Variants in MAGI2 observed in about 807,000 individuals in gnomAD.
MAGI2 encodes the protein membrane-associated guanylate kinase, WW and PDZ domain-containing protein 2.
A neutral mutation model predicts 133.3 loss-of-function variants in MAGI2; 35 were observed. That is an observed-to-expected ratio of 0.26 (90% CI 0.20 to 0.35). MAGI2 has a LOEUF of 0.35. Among genes scored for constraint, MAGI2 ranks in the 10% least tolerant of loss-of-function variants. MAGI2 has a pLI of 1.00. For missense variants in MAGI2, 1,636 were observed against 1,863.4 expected, an observed-to-expected ratio of 0.88 and a Z score of 2.25; for synonymous variants, 729 against 710.6, an observed-to-expected ratio of 1.03 and a Z score of -0.41.
intron 1 of MAGI2, among the ~76,000 whole-genome samples, chr7:79,024,582 G>T (rs1271651969): frequency 1.3e-5 from 2 of 151,868 alleles, no homozygotes; most frequent in Non-Finnish European, 2.9e-5. Flanking sequence ...CTAAAGAATG[G>T]GAGAAAATAT....
chr7:79,429,354 G>A (rs1847618570), intron 1 of MAGI2, among the ~76,000 whole-genome samples: 1 of 151,872 alleles, frequency 6.6e-6, no homozygotes, highest in Admixed American at 6.6e-5. Context: ...CCAGGCTGGA[G>A]TGCAGTGGCC....
rs545809101 is a variant in MAGI2, at chr7:78,430,240, C to CTTTTTTTT, written c.1045+59513_1045+59520dup. ...GTATTACTGTCTGTTCTGGAAAAGC[C>CTTTTTTTT]TTTTTTTTTTTTTTTTTTTTTTTTT... On this transcript the variant is annotated intron_variant, in intron 6 of 21. Coordinates refer to ENST00000354212, the MANE Select transcript of MAGI2 (RefSeq NM_012301.4). 5.9e-4 allele frequency among the ~76,000 whole-genome samples: 45 copies of CTTTTTTTT among 76,640 alleles called. 2 individuals carry two copies. Among genetic ancestry groups the CTTTTTTTT allele is most frequent in the African/African-American group, 1.7e-3 (30 of 18,010 alleles). 50.3% of individuals were successfully genotyped at this position (76,640 alleles called of 152,430 possible).
At chr7:78,063,761 T>G (rs1006093120) in intron 21 of MAGI2, among the ~76,000 whole-genome samples, 7 of 152,222 alleles carry the variant, frequency 4.6e-5, no homozygotes, top group African/African-American at 1.7e-4. Context: ...GCTAAGCAGA[T>G]TAGTTTACTG....
intron 1 of MAGI2, among the ~76,000 whole-genome samples, chr7:79,236,330 G>A (rs887025780): frequency 4.6e-5 from 7 of 152,308 alleles, no homozygotes; most frequent in African/African-American, 1.7e-4. Flanking sequence ...AAGGGAGTAA[G>A]GACAGACCAG....
chr7:78,157,524 T>TACACAC (rs3840595), intron 16 of MAGI2, among the ~76,000 whole-genome samples: 1 of 151,196 alleles, frequency 6.6e-6, no homozygotes, highest in Non-Finnish European at 1.5e-5. Context: ...TACACATACA[T>TACACAC]ACACACACAC....
chr7:79,341,278 C>T (rs766726622), intron 1 of MAGI2, among the ~76,000 whole-genome samples: 1 of 152,072 alleles, frequency 6.6e-6, no homozygotes, highest in Non-Finnish European at 1.5e-5. Flanking sequence ...AGCATAAGAT[C>T]ATGAACAAAT....
In MAGI2 at chr7:78,160,007, G is replaced by A; in HGVS notation, c.2845+18C>T. On this transcript the variant is annotated intron_variant, in intron 16 of 21. Coordinates refer to ENST00000354212, the MANE Select transcript of MAGI2 (RefSeq NM_012301.4). Reference sequence around the variant, plus strand: ...AACAAGACCCCTTATTCAAATGCAGGCAAATTTCAGCACTTACTTATAGTG... The same window carrying A: ...AACAAGACCCCTTATTCAAATGCAGACAAATTTCAGCACTTACTTATAGTG... The A allele has an allele frequency of 6.5e-7, 1 of 1,529,192 alleles. No homozygotes were observed. Among genetic ancestry groups the A allele is most frequent in the Non-Finnish European group, 8.8e-7 (1 of 1,136,232 alleles). The allele number at this position is 1,529,192 out of a possible 1,614,324, so 94.7% of individuals were successfully genotyped here. A position where few individuals can be genotyped will look rare whatever the true frequency, so the allele number is the denominator to read the frequency against.
chr7:78,322,442 A>ATG (rs1788099652), intron 9 of MAGI2, among the ~76,000 whole-genome samples: 1 of 152,130 alleles, frequency 6.6e-6, no homozygotes, highest in Admixed American at 6.6e-5. Context: ...AAAAAAGGAT[A>ATG]TGTTTCTGTC....
intron 1 of MAGI2, among the ~76,000 whole-genome samples, chr7:79,158,657 T>C (rs1273964852): frequency 6.6e-6 from 1 of 152,100 alleles, no homozygotes; most frequent in Non-Finnish European, 1.5e-5. Flanking sequence ...GAGCTATTGG[T>C]ATAAATACCC....
chr7:79,206,016 A>G (rs1319509996), intron 1 of MAGI2, among the ~76,000 whole-genome samples: 1 of 151,732 alleles, frequency 6.6e-6, no homozygotes, highest in Non-Finnish European at 1.5e-5. Flanking sequence ...AAAGGGAAAT[A>G]AAAAAGAGAT....
intron 2 of MAGI2, among the ~76,000 whole-genome samples, chr7:78,774,572 T>C (rs1358042577): frequency 6.6e-6 from 1 of 152,170 alleles, no homozygotes; most frequent in Non-Finnish European, 1.5e-5. Flanking sequence ...TCAGTTCTCA[T>C]GTCAGCAGGC....
At chr7:78,573,534 G>C (rs988150166) in intron 3 of MAGI2, among the ~76,000 whole-genome samples, 12 of 145,180 alleles carry the variant, frequency 8.3e-5, no homozygotes, top group African/African-American at 2.8e-4. Flanking sequence ...CAGCCTTTCG[G>C]GTCGCTTGAT....
At position 79,335,539 on chromosome 7, in the gene MAGI2, A is replaced by G. The variant is rs557654432; in HGVS notation, c.301+117481T>C. On this transcript the variant is annotated intron_variant, in intron 1 of 21. Transcript: ENST00000354212. ...TTTAGTACAATAACCACAACACTTA[A>G]TATCAGAAAAATGGTAAATATATAG... 3.9e-4 allele frequency among the ~76,000 whole-genome samples: 60 copies of G among 152,238 alleles called. No individual in the cohort carries two copies. In the South Asian group the frequency reaches 5.0e-3, roughly 13 times the overall value.
chr7:78,429,945 T>C (rs942895601), intron 6 of MAGI2, among the ~76,000 whole-genome samples: 1 of 152,128 alleles, frequency 6.6e-6, no homozygotes, highest in African/African-American at 2.4e-5. Flanking sequence ...AGTGATGGAG[T>C]TGGGATCTGA....
intron 2 of MAGI2, among the ~76,000 whole-genome samples, chr7:78,733,056 G>A (rs1247103408): frequency 6.6e-6 from 1 of 152,066 alleles, no homozygotes; most frequent in Non-Finnish European, 1.5e-5. Context: ...CAGGATTAGA[G>A]CTTTAAAAAC....
intron 2 of MAGI2, among the ~76,000 whole-genome samples, chr7:78,690,620 G>A (rs912131763): frequency 4.6e-5 from 7 of 152,098 alleles, no homozygotes; most frequent in Non-Finnish European, 1.0e-4. Context: ...GCACACAAAA[G>A]ATACTGAATA....
intron 6 of MAGI2, among the ~76,000 whole-genome samples, chr7:78,435,449 C>G (rs1157266920): frequency 6.6e-6 from 1 of 152,146 alleles, no homozygotes; most frequent in East Asian, 1.9e-4. Flanking sequence ...CAGTGGACAG[C>G]TCTCTGCCAG....
intron 2 of MAGI2, among the ~76,000 whole-genome samples, chr7:78,764,784 T>C (rs1210234507): frequency 6.6e-6 from 1 of 152,234 alleles, no homozygotes; most frequent in Non-Finnish European, 1.5e-5. Flanking sequence ...ACAGGCAAGC[T>C]TCGTGCTATG....
At chr7:78,121,021 A>AAAAG (rs33955415) in intron 20 of MAGI2, among the ~76,000 whole-genome samples, 1 of 150,622 alleles carries the variant, frequency 6.6e-6, no homozygotes, top group Non-Finnish European at 1.5e-5. Context: ...AAAAAAAAAA[A>AAAAG]TAATGATGCT....
Sources: allele counts gnomAD v4.1 joint callset (sites outside exome capture counted in the v4.1 genomes callset), GRCh38; gene constraint gnomAD v4.1.1; transcripts MANE v1.5; gene names NCBI Gene and HGNC (gene_info 2026-07-23, HGNC 2026-07-21).